The following POPDC2 variants were observed in gnomAD, a reference collection of about 807,000 sequenced individuals.
POPDC2 encodes popeye domain cAMP effector 2.
Under a neutral mutation model 30.5 loss-of-function variants are expected in POPDC2, and 24 were observed. The ratio of observed to expected loss-of-function variants is 0.79; its 90% confidence interval spans 0.57 to 1.11. POPDC2 has a LOEUF of 1.11. Among genes scored for constraint, POPDC2 ranks in the 50% least tolerant of loss-of-function variants. The pLI is 0.00. For synonymous variants in POPDC2, 185 were observed against 183.3 expected (o/e 1.01, Z -0.07); for missense variants, 409 against 447.0 (o/e 0.91, Z 0.77).
At chr3:119,646,448 T>G (rs867661058) in intron 3 of POPDC2, among the ~76,000 whole-genome samples, 2 of 151,954 alleles carry the variant, frequency 1.3e-5, no homozygotes, top group South Asian at 4.1e-4. Flanking sequence ...CTGGGCAACA[T>G]GGGGAGAGTT....
chr3:119,648,139 C>G lies in POPDC2; in HGVS notation c.*23G>C. On this transcript the variant is annotated 3_prime_UTR_variant, in exon 3 of 4. Coordinates refer to ENST00000493094, the MANE Select transcript of POPDC2 (RefSeq NM_001369919.2). The stretch of plus-strand genomic sequence containing the variant: ...CTTACATAGGATCCTGAGCCGGTGG[C>G]TGTGCCCATGTTAGTTCTCCCTTCA... 2 of 1,482,246 alleles carry G rather than the reference C, an allele frequency of 1.3e-6. No individual in the cohort carries two copies. Among genetic ancestry groups the G allele is most frequent in the Non-Finnish European group, 1.8e-6 (2 of 1,113,054 alleles). The allele number at this position is 1,482,246 out of a possible 1,614,324, so 91.8% of individuals were successfully genotyped here. A position where few individuals can be genotyped will look rare whatever the true frequency, so the allele number is the denominator to read the frequency against.
intron 1 of POPDC2, among the ~76,000 whole-genome samples, chr3:119,656,936 G>C (rs1042413524): frequency 8.5e-5 from 13 of 152,286 alleles, no homozygotes; most frequent in African/African-American, 2.9e-4. Context: ...CTTTGTCTTT[G>C]AGGATTTCAC....
At chr3:119,652,313 A>G (rs542819531) in intron 2 of POPDC2, among the ~76,000 whole-genome samples, 19 of 152,366 alleles carry the variant, frequency 1.2e-4, no homozygotes, top group African/African-American at 3.6e-4. Flanking sequence ...AATGTGAATT[A>G]TAATTTAGGC....
intron 2 of POPDC2, among the ~76,000 whole-genome samples, chr3:119,650,583 C>T (rs579196): frequency 0.73 from 111,594 of 152,042 alleles, 41,192 homozygotes; most frequent in Middle Eastern, 0.85. Flanking sequence ...ACACTCCTTG[C>T]CCAATCTCAT....
chr3:119,648,191 A>G lies in POPDC2; in HGVS notation c.1078T>C (p.Tyr360His), dbSNP rs756956165. ...EVSGSESFMD[Y>H]RSDGEYMR ...CTCATGTACTCCCCATCACTCCTAT[A>G]ATCCATAAACGATTCTGATCCTGAC... Residue 360 changes from tyrosine to histidine, a missense_variant, in exon 3 of 4, where the codon TAT becomes CAT. By Grantham distance (83) the Tyr-to-His change is moderately conservative. Transcript: ENST00000493094. 6.4e-7 allele frequency: 1 copy of G among 1,556,222 alleles called. No homozygotes were observed. The highest frequency in any genetic ancestry group is 8.7e-7 in the Non-Finnish European group (1 of 1,149,632).
Position 119,648,662 on chromosome 3 carries a change from G to A in POPDC2, c.607C>T (p.Leu203=), listed in dbSNP as rs758045034. The A allele has an allele frequency of 1.2e-6, 2 of 1,612,160 alleles. No individual in the cohort carries two copies. The highest frequency in any genetic ancestry group is 1.7e-6 in the Non-Finnish European group (2 of 1,178,858). ...TAGCTACATGAGGTCTCAGCAGTCA[G>A]AGTGACCTGAGAGGGGTCAGAAGCA... ...PSEEGVFQVT[L]TAETSCSYIS... is the part of the protein sequence containing the mutation. The change falls in exon 3 of 4, where the codon CTG becomes TTG. Residue 203 remains leucine, a synonymous_variant. Coordinates refer to ENST00000493094, the MANE Select transcript of POPDC2 (RefSeq NM_001369919.2).
At chr3:119,659,546 ATTG>A (rs2052916789) in intron 1 of POPDC2, among the ~76,000 whole-genome samples, 1 of 152,244 alleles carries the variant, frequency 6.6e-6, no homozygotes, top group South Asian at 2.1e-4. Context: ...GATTAACCTT[ATTG>A]AAATGTTAGT....
Position 119,660,524 on chromosome 3 carries a change from G to A in POPDC2, c.-101C>T, listed in dbSNP as rs571087097. The A allele has an allele frequency of 1.0e-5, 14 of 1,352,224 alleles. No individual in the cohort carries two copies. The highest frequency in any genetic ancestry group is 3.0e-5 in the South Asian group (2 of 66,766). 83.8% of individuals were successfully genotyped at this position (1,352,224 alleles called of 1,614,324 possible). ...TCCGCTCAGGGGTCTTCTCACCTCC[G>A]GCTTCTCACTACCGACTCCACCTTT... On this transcript the variant is annotated 5_prime_UTR_variant, in exon 1 of 4. Transcript: ENST00000493094.
At chr3:119,659,808 C>CA (rs2052920300) in intron 1 of POPDC2, 125 bp downstream of exon 1, 1 of 1,254,922 alleles carries the variant, frequency 8.0e-7, no homozygotes, top group Admixed American at 2.3e-5. Context: ...TTTGACTTGT[C>CA]ACATCCTTCC....
intron 2 of POPDC2, among the ~76,000 whole-genome samples, chr3:119,654,174 G>A (rs1490803098): frequency 1.3e-5 from 2 of 152,150 alleles, no homozygotes; most frequent in East Asian, 3.9e-4. Context: ...AAAATATGAA[G>A]GAGGGAGAGC....
At chr3:119,647,865 T>C (rs184350517) in intron 3 of POPDC2, among the ~76,000 whole-genome samples, 18 of 152,294 alleles carry the variant, frequency 1.2e-4, no homozygotes, top group African/African-American at 3.9e-4. Flanking sequence ...AAAACAGCAA[T>C]CTACCTTCCT....
chr3:119,656,125 C>T (rs66588775), intron 1 of POPDC2, among the ~76,000 whole-genome samples: 14,306 of 152,114 alleles, frequency 0.094, 742 homozygotes, highest in Non-Finnish European at 0.12. Flanking sequence ...TTTTTTATCA[C>T]GTAACTCAGA....
intron 2 of POPDC2, among the ~76,000 whole-genome samples, chr3:119,654,072 A>G (rs1163761271): frequency 6.6e-6 from 1 of 152,080 alleles, no homozygotes; most frequent in South Asian, 2.1e-4. Context: ...AATGCATTTC[A>G]GAGGGGAGAG....
intron 1 of POPDC2, among the ~76,000 whole-genome samples, chr3:119,657,870 T>C (rs1388890853): frequency 6.6e-6 from 1 of 152,216 alleles, no homozygotes; most frequent in Admixed American, 6.5e-5. Flanking sequence ...CAGGGGGTTG[T>C]ATATATGGAA....
intron 2 of POPDC2, among the ~76,000 whole-genome samples, chr3:119,652,934 A>T (rs1306086578): frequency 6.6e-6 from 1 of 151,676 alleles, no homozygotes; most frequent in Admixed American, 6.6e-5. Context: ...GGCTTGAGGG[A>T]CTCCCTGATA....
intron 1 of POPDC2, among the ~76,000 whole-genome samples, chr3:119,657,439 G>A (rs2052892060): frequency 6.6e-6 from 1 of 152,134 alleles, no homozygotes; most frequent in African/African-American, 2.4e-5. Context: ...TGGAAGACAG[G>A]AGCTTTATTC....
chr3:119,652,823 G>T (rs1038294799), intron 2 of POPDC2, among the ~76,000 whole-genome samples: 2 of 152,194 alleles, frequency 1.3e-5, no homozygotes, highest in Non-Finnish European at 1.5e-5. Flanking sequence ...TGCCTCTCAG[G>T]CTCCATCATC....
intron 1 of POPDC2, 74 bp downstream of exon 1, chr3:119,659,858 TG>T: frequency 6.8e-7 from 1 of 1,472,822 alleles, no homozygotes; most frequent in African/African-American, 1.4e-5. Context: ...GGACATGAAA[TG>T]GAAAGGGACA....
chr3:119,660,655 T>TC (rs1207428664), upstream of POPDC2: 113 of 140,226 alleles, frequency 8.1e-4, no homozygotes, highest in Middle Eastern at 4.7e-3. Flanking sequence ...TCTCCCCCTC[T>TC]CCCCCCCTCT....
Sources: gnomAD v4.1 joint callset for allele counts (sites outside exome capture counted in the v4.1 genomes callset) on GRCh38, gnomAD v4.1.1 for gene constraint, MANE v1.5 for transcripts, NCBI Gene and HGNC (gene_info 2026-07-23, HGNC 2026-07-21) for gene names.